Variants in CYP2J2 observed in about 807,000 individuals in gnomAD.
CYP2J2 encodes the protein cytochrome P450 2J2.
CYP2J2 carries 41 observed loss-of-function variants against 48.8 expected under a neutral mutation model. The ratio of observed to expected loss-of-function variants is 0.84; its 90% CI spans 0.66 to 1.09. CYP2J2 has a LOEUF of 1.09. Among genes scored for constraint, CYP2J2 ranks in the 50% least tolerant of loss-of-function variants. The pLI, the probability that CYP2J2 is intolerant of heterozygous loss-of-function variation, is 0.00. For synonymous variants in CYP2J2, 221 were observed against 227.1 expected, an observed-to-expected ratio of 0.97 and a Z score of 0.24; for missense variants, 644 against 617.3, an observed-to-expected ratio of 1.04 and a Z score of -0.46.
At chr1:59,944,482 C>T in the CYP2J2 span, among the ~76,000 whole-genome samples, 1 of 152,320 alleles carries the variant, frequency 6.6e-6, no homozygotes, top group East Asian at 1.9e-4. Flanking sequence ...CTTGGCCTCC[C>T]AAATTACCGG....
intron 8 of CYP2J2, among the ~76,000 whole-genome samples, chr1:59,896,292 G>A (rs1472850251): frequency 6.9e-6 from 1 of 144,856 alleles, no homozygotes; most frequent in African/African-American, 2.7e-5. Flanking sequence ...GTGTGTGTGT[G>A]TACATATATA....
At chr1:59,914,599 A>G (rs1037220361) in intron 2 of CYP2J2, among the ~76,000 whole-genome samples, 1 of 152,192 alleles carries the variant, frequency 6.6e-6, no homozygotes, top group Non-Finnish European at 1.5e-5. Context: ...AATGTTTACA[A>G]GCAGTATTCT....
the CYP2J2 span, among the ~76,000 whole-genome samples, chr1:59,953,549 G>A: frequency 1.3e-5 from 2 of 151,978 alleles, no homozygotes; most frequent in African/African-American, 4.8e-5. Flanking sequence ...TATAGAGGGT[G>A]ATTACACTTT....
the CYP2J2 span, among the ~76,000 whole-genome samples, chr1:59,960,638 T>C: frequency 2.0e-5 from 3 of 151,924 alleles, no homozygotes; most frequent in Non-Finnish European, 4.4e-5. Context: ...AGGTCAGGAG[T>C]TAGAAACTAG....
chr1:59,938,768 C>T, the CYP2J2 span, among the ~76,000 whole-genome samples: 8 of 152,198 alleles, frequency 5.3e-5, no homozygotes, highest in Non-Finnish European at 1.2e-4. Context: ...CAGGTCTTGC[C>T]CATCCCACGA....
At chr1:59,931,155 T>C (rs1644601013), upstream of CYP2J2, among the ~76,000 whole-genome samples, 1 of 152,066 alleles carries the variant, frequency 6.6e-6, no homozygotes, top group East Asian at 1.9e-4. Flanking sequence ...TCCGGGTAAA[T>C]GCAAACAATC....
rs766065363 is a variant in CYP2J2, at chr1:59,904,874, G to C, written c.1188C>G (p.Pro396=). The C allele has an allele frequency of 6.2e-7, 1 of 1,612,594 alleles. No individual in the cohort carries two copies. Among genetic ancestry groups the C allele is most frequent in the South Asian group, 1.1e-5 (1 of 90,734 alleles). ...VDTTLAGYHL[P]KGTMILTNLT... The stretch of plus-strand genomic sequence containing the variant: ...GCTTGAAGATCTGCTTAATTACCTT[G>C]GGCAGGTGGTACCCAGCCAAAGTGG... The change falls in exon 7 of 9, where the codon CCC becomes CCG. Residue 396 remains proline (P), a synonymous_variant. Transcript: ENST00000371204.
chr1:59,926,659 G>A lies in CYP2J2; in HGVS notation c.88C>T (p.Leu30Phe). The A allele has an allele frequency of 6.2e-7, 1 of 1,614,214 alleles. No homozygotes were observed. Among genetic ancestry groups the A allele is most frequent in the Non-Finnish European group, 8.5e-7 (1 of 1,180,028 alleles). ...TLLLGTVAFL[L>F]AADFLKRRRP... ...CGTCTTTTGAGAAAGTCAGCAGCGA[G>A]CAGAAAGGCGACAGTGCCCAGTAGG... Residue 30 changes from leucine (L) to phenylalanine (F), a missense_variant, in exon 1 of 9, where the codon CTC (leucine) becomes TTC (phenylalanine). Physicochemically the swap from Leu to Phe is conservative, Grantham distance 22. Transcript: ENST00000371204.
chr1:59,954,716 G>A, the CYP2J2 span, among the ~76,000 whole-genome samples: 10 of 151,978 alleles, frequency 6.6e-5, no homozygotes, highest in East Asian at 3.9e-4. Flanking sequence ...ATGTGTTAAT[G>A]TTTTGGGGAA....
the CYP2J2 span, among the ~76,000 whole-genome samples, chr1:59,954,269 C>T: frequency 2.6e-5 from 4 of 152,266 alleles, no homozygotes; most frequent in South Asian, 8.3e-4. Context: ...CTTTGCTGCA[C>T]AACTAAGTCT....
At chr1:59,946,150 G>A in the CYP2J2 span, among the ~76,000 whole-genome samples, 75 of 152,286 alleles carry the variant, frequency 4.9e-4, no homozygotes, top group African/African-American at 1.7e-3. Context: ...ATGATGTTCT[G>A]AAAGGCTCTA....
upstream of CYP2J2, among the ~76,000 whole-genome samples, chr1:59,929,719 T>C (rs998815810): frequency 6.6e-6 from 1 of 151,860 alleles, no homozygotes; most frequent in Non-Finnish European, 1.5e-5. Context: ...TTATGCAACA[T>C]AGAAAACAGA....
chr1:59,967,400 C>G, the CYP2J2 span, among the ~76,000 whole-genome samples: 1 of 152,224 alleles, frequency 6.6e-6, no homozygotes, highest in African/African-American at 2.4e-5. Context: ...TCGACCTATT[C>G]TTTGAAGGAG....
chr1:59,899,641 T>G (rs1644299911), intron 8 of CYP2J2, among the ~76,000 whole-genome samples: 1 of 152,258 alleles, frequency 6.6e-6, no homozygotes, highest in African/African-American at 2.4e-5. Flanking sequence ...CCCACTTTAG[T>G]TTTTGATTAA....
the CYP2J2 span, among the ~76,000 whole-genome samples, chr1:59,950,289 A>T: frequency 6.6e-6 from 1 of 152,150 alleles, no homozygotes; most frequent in Admixed American, 6.5e-5. Flanking sequence ...ACAGGTACAG[A>T]ATTCAGAGAG....
chr1:59,925,643 T>C (rs1429000583), intron 1 of CYP2J2, among the ~76,000 whole-genome samples: 1 of 152,208 alleles, frequency 6.6e-6, no homozygotes, highest in African/African-American at 2.4e-5. Flanking sequence ...GTATTACCAA[T>C]TGGGTATTTC....
At chr1:59,917,297 G>A (rs1434721605) in intron 1 of CYP2J2, among the ~76,000 whole-genome samples, 1 of 152,164 alleles carries the variant, frequency 6.6e-6, no homozygotes, top group African/African-American at 2.4e-5. Context: ...TTCTTATGGT[G>A]GCAAAGGGGA....
intron 1 of CYP2J2, among the ~76,000 whole-genome samples, chr1:59,921,488 G>T (rs1644514863): frequency 6.6e-6 from 1 of 152,024 alleles, no homozygotes; most frequent in South Asian, 2.1e-4. Flanking sequence ...ATAGCTCTGG[G>T]AATGGAATGC....
At chr1:59,934,313 A>G in the CYP2J2 span, among the ~76,000 whole-genome samples, 2 of 152,150 alleles carry the variant, frequency 1.3e-5, no homozygotes, top group Non-Finnish European at 2.9e-5. Context: ...AGACTTCATA[A>G]CAGTGGTCTT....
Sources: allele counts gnomAD v4.1 joint callset (sites outside exome capture counted in the v4.1 genomes callset), GRCh38; gene constraint gnomAD v4.1.1; transcripts MANE v1.5; gene names NCBI Gene and HGNC (gene_info 2026-07-23, HGNC 2026-07-21).